The following WDFY2 variants were observed in gnomAD, a reference collection of about 807,000 sequenced individuals.
The protein encoded by WDFY2 is WD repeat and FYVE domain-containing protein 2.
WDFY2 carries 36 observed loss-of-function variants against 56.4 expected under a neutral mutation model. That is an observed-to-expected ratio of 0.64 (90% CI 0.49 to 0.84). The LOEUF is 0.84. Ranked by LOEUF, WDFY2 falls within the 40% of genes least tolerant of loss-of-function variation. WDFY2 has a pLI of 0.00. For missense variants in WDFY2, 444 were observed against 512.2 expected (o/e 0.87, Z 1.29); for synonymous variants, 176 against 183.7 (o/e 0.96, Z 0.34).
intron 3 of WDFY2, among the ~76,000 whole-genome samples, chr13:51,695,909 C>T (rs1489812349): frequency 6.6e-6 from 1 of 152,236 alleles, no homozygotes; most frequent in Non-Finnish European, 1.5e-5. Context: ...AGCCTTGCTG[C>T]CGCCTTGCAG....
rs1046521297 is a variant in WDFY2, at chr13:51,761,076, C to G, written c.*1307C>G. The G allele has an allele frequency of 1.3e-5, 2 of 152,218 alleles. No homozygotes were observed. Among genetic ancestry groups the G allele is most frequent in the African/African-American group, 4.8e-5 (2 of 41,458 alleles). The allele number at this position is 152,218 out of a possible 1,614,324, so 9.4% of individuals were successfully genotyped here. On this transcript the variant is annotated 3_prime_UTR_variant, in exon 12 of 12. Transcript: ENST00000298125. ...TATTCCTCGCCCTCTGTATTCTATC[C>G]CTTTAAAAACTAGATATTTAAACAT... is the stretch of plus-strand genomic sequence containing the variant.
At chr13:51,697,270 C>G (rs1425640781) in intron 3 of WDFY2, among the ~76,000 whole-genome samples, 1 of 152,054 alleles carries the variant, frequency 6.6e-6, no homozygotes, top group African/African-American at 2.4e-5. Flanking sequence ...AGAAAATAAT[C>G]ATAAATATAC....
At chr13:51,611,710 C>A (rs1428632886) in intron 1 of WDFY2, among the ~76,000 whole-genome samples, 2 of 152,120 alleles carry the variant, frequency 1.3e-5, no homozygotes, top group Non-Finnish European at 2.9e-5. Flanking sequence ...TAAATTCATT[C>A]CCTTTGCCAG....
intron 1 of WDFY2, among the ~76,000 whole-genome samples, chr13:51,645,455 A>G (rs2138413572): frequency 6.6e-6 from 1 of 152,304 alleles, no homozygotes; most frequent in East Asian, 1.9e-4. Context: ...CCTGATTTCA[A>G]CATGGGTAGA....
intron 1 of WDFY2, among the ~76,000 whole-genome samples, chr13:51,616,551 T>C (rs1303585309): frequency 6.6e-6 from 1 of 152,036 alleles, no homozygotes; most frequent in Non-Finnish European, 1.5e-5. Flanking sequence ...TTCTTGAGAG[T>C]TCTGTGTGAT....
At chr13:51,664,571 T>G (rs1460144621) in intron 2 of WDFY2, among the ~76,000 whole-genome samples, 2 of 152,220 alleles carry the variant, frequency 1.3e-5, no homozygotes, top group Non-Finnish European at 2.9e-5. Flanking sequence ...CCTAATCCCC[T>G]GAGAATCCTG....
intron 1 of WDFY2, among the ~76,000 whole-genome samples, chr13:51,649,980 T>C (rs1221506654): frequency 6.6e-6 from 1 of 152,066 alleles, no homozygotes; most frequent in Non-Finnish European, 1.5e-5. Flanking sequence ...TTGATGGGGA[T>C]GGCATTGAAT....
intron 4 of WDFY2, among the ~76,000 whole-genome samples, chr13:51,708,718 CAGTT>C (rs1952144265): frequency 6.6e-6 from 1 of 151,972 alleles, no homozygotes. Flanking sequence ...AATTAAAAGG[CAGTT>C]AGTATCAGAC....
At chr13:51,649,491 T>C (rs1201693563) in intron 1 of WDFY2, among the ~76,000 whole-genome samples, 47 of 151,778 alleles carry the variant, frequency 3.1e-4, no homozygotes, top group Non-Finnish European at 1.5e-5. Context: ...TTGTTACATA[T>C]GTATACATGT....
At chr13:51,688,552 T>C (rs1956099190) in intron 3 of WDFY2, among the ~76,000 whole-genome samples, 1 of 152,160 alleles carries the variant, frequency 6.6e-6, no homozygotes, top group African/African-American at 2.4e-5. Context: ...TTAGTATCTC[T>C]AGACTTTCAT....
chr13:51,645,777 G>T (rs1955251788), intron 1 of WDFY2, among the ~76,000 whole-genome samples: 1 of 152,132 alleles, frequency 6.6e-6, no homozygotes. Flanking sequence ...GTTTGTCTTT[G>T]TTGTTGGCCT....
chr13:51,708,106 C>T (rs751756352), intron 4 of WDFY2, among the ~76,000 whole-genome samples: 3 of 151,506 alleles, frequency 2.0e-5, no homozygotes, highest in Non-Finnish European at 4.4e-5. Context: ...CCACCACACC[C>T]AGCTAATATT....
chr13:51,611,579 G>A (rs1593875844), intron 1 of WDFY2, among the ~76,000 whole-genome samples: 2 of 152,254 alleles, frequency 1.3e-5, no homozygotes, highest in South Asian at 4.1e-4. Flanking sequence ...AACACTGTTG[G>A]TTATCTGTTC....
intron 2 of WDFY2, among the ~76,000 whole-genome samples, chr13:51,670,784 A>C (rs1955794335): frequency 6.6e-6 from 1 of 151,886 alleles, no homozygotes; most frequent in Admixed American, 6.6e-5. Context: ...TTACATGAAA[A>C]AGTTCTTTAC....
chr13:51,706,290 A>G (rs535374553), intron 4 of WDFY2, among the ~76,000 whole-genome samples: 1 of 152,372 alleles, frequency 6.6e-6, no homozygotes, highest in African/African-American at 2.4e-5. Context: ...CCAGAACCAA[A>G]GAGAGAACTA....
intron 1 of WDFY2, among the ~76,000 whole-genome samples, chr13:51,608,133 T>C (rs1026741671): frequency 3.3e-5 from 5 of 152,214 alleles, no homozygotes; most frequent in Admixed American, 1.3e-4. Context: ...ACTTCTGACC[T>C]TCAGAACTGT....
chr13:51,758,060 T>C (rs1953454617), intron 10 of WDFY2, 132 bp from the exon 11 acceptor site: 1 of 467,884 alleles, frequency 2.1e-6, no homozygotes, highest in South Asian at 4.7e-5. Context: ...TAAAGGCAGA[T>C]CTGAGGAGCA....
chr13:51,585,771 A>C (rs1953925689), intron 1 of WDFY2, among the ~76,000 whole-genome samples: 1 of 152,236 alleles, frequency 6.6e-6, no homozygotes, highest in African/African-American at 2.4e-5. Flanking sequence ...GGTTTTCTTA[A>C]TATAAGTTCA....
intron 1 of WDFY2, among the ~76,000 whole-genome samples, chr13:51,629,811 T>C (rs1031695707): frequency 1.6e-5 from 2 of 128,886 alleles, no homozygotes; most frequent in East Asian, 4.7e-4. Context: ...TTTTTTTCTT[T>C]TCTTTCTTTC....
Sources: gnomAD v4.1 joint callset for allele counts (sites outside exome capture counted in the v4.1 genomes callset) on GRCh38, gnomAD v4.1.1 for gene constraint, MANE v1.5 for transcripts, NCBI Gene and HGNC (gene_info 2026-07-23, HGNC 2026-07-21) for gene names.